The following ADGRE2 variants were observed in gnomAD, a reference collection of about 807,000 sequenced individuals.
ADGRE2 encodes CD97 antigen.
Under a neutral mutation model 100.8 loss-of-function variants are expected in ADGRE2, and 83 were observed. That is an observed-to-expected ratio of 0.82 (90% confidence interval 0.69 to 0.99). ADGRE2 has a LOEUF of 0.99. Among genes scored for constraint, ADGRE2 ranks in the 50% least tolerant of loss-of-function variants. The pLI is 0.00. For missense variants in ADGRE2, 814 were observed against 1,035.7 expected (o/e 0.79, Z 2.94); for synonymous variants, 355 against 413.0 (o/e 0.86, Z 1.70).
intron 11 of ADGRE2, among the ~76,000 whole-genome samples, chr19:14,762,185 C>T (rs1160053510): frequency 6.6e-6 from 1 of 151,486 alleles, no homozygotes; most frequent in African/African-American, 2.4e-5. Context: ...AAATATTTTA[C>T]AGAGTTTGAC....
At chr19:14,768,456 A>C (rs533343542) in intron 5 of ADGRE2, among the ~76,000 whole-genome samples, 2 of 152,358 alleles carry the variant, frequency 1.3e-5, no homozygotes, top group South Asian at 4.1e-4. Flanking sequence ...AGAGGGGCAC[A>C]GATGCTGATG....
intron 15 of ADGRE2, among the ~76,000 whole-genome samples, chr19:14,751,912 C>CACATAT (rs1318216569): frequency 1.1e-5 from 1 of 95,048 alleles, no homozygotes; most frequent in Admixed American, 1.1e-4. Flanking sequence ...CACACACACA[C>CACATAT]ATATATATAT....
At chr19:14,754,562 T>A (rs940794450) in intron 14 of ADGRE2, among the ~76,000 whole-genome samples, 1 of 152,154 alleles carries the variant, frequency 6.6e-6, no homozygotes, top group African/African-American at 2.4e-5. Flanking sequence ...TGAGGAAATT[T>A]TTTTCCTTGT....
chr19:14,731,271 G>C, downstream of ADGRE2: 1 of 1,333,992 alleles, frequency 7.5e-7, no homozygotes, highest in Non-Finnish European at 1.0e-6. Flanking sequence ...ATCACTACTG[G>C]GGCTTGAAGA....
chr19:14,755,798 C>T lies in ADGRE2; in HGVS notation c.1272G>A (p.Glu424=). 2 of 1,614,226 alleles carry T rather than the reference C, an allele frequency of 1.2e-6. No homozygotes were observed. The highest frequency in any genetic ancestry group is 1.1e-5 in the South Asian group (1 of 91,090). ...LAEAPLVLEP[E]KQMLLHETHQ... is the part of the protein sequence containing the mutation. The stretch of plus-strand genomic sequence containing the variant: ...GTGTCTCATGCAGAAGCATCTGCTT[C>T]TCAGGTTCCAGGACCAGAGGGGCCT... Residue 424 remains glutamate (E), a synonymous_variant, in exon 13 of 21, where the codon GAG becomes GAA. Coordinates refer to ENST00000315576, the MANE Select transcript of ADGRE2 (RefSeq NM_013447.4).
the ADGRE2 span, among the ~76,000 whole-genome samples, chr19:14,726,407 T>C: frequency 1.3e-5 from 2 of 152,356 alleles, no homozygotes; most frequent in African/African-American, 4.8e-5. Flanking sequence ...CACGTTAGTC[T>C]CTTCAGCAAG....
chr19:14,769,635 T>A (rs2044120836), intron 5 of ADGRE2, among the ~76,000 whole-genome samples: 1 of 152,192 alleles, frequency 6.6e-6, no homozygotes, highest in South Asian at 2.1e-4. Context: ...TCTCTGCCTA[T>A]CCACCAACTA....
intron 2 of ADGRE2, among the ~76,000 whole-genome samples, chr19:14,774,808 G>A (rs951856051): frequency 6.7e-6 from 1 of 149,524 alleles, no homozygotes; most frequent in Non-Finnish European, 1.5e-5. Context: ...CAAATAGCTG[G>A]GACTACAGGC....
chr19:14,745,342 G>A (rs2043055748), intron 18 of ADGRE2, among the ~76,000 whole-genome samples: 1 of 152,188 alleles, frequency 6.6e-6, no homozygotes, highest in Admixed American at 6.5e-5. Context: ...CATAGAGTGT[G>A]TCATGATTAA....
At chr19:14,772,563 G>T in intron 4 of ADGRE2, 66 bp from the exon 5 acceptor site, 1 of 1,576,432 alleles carries the variant, frequency 6.3e-7, no homozygotes, top group South Asian at 1.1e-5. Flanking sequence ...AGAGACCCCC[G>T]TCCTGACTCC....
At chr19:14,756,210 C>T (rs746707482) in intron 12 of ADGRE2, 28 bp downstream of exon 12, 3 of 1,505,340 alleles carry the variant, frequency 2.0e-6, no homozygotes, top group South Asian at 1.1e-5. Flanking sequence ...TGAAGCTTCA[C>T]TGACCACCTC....
At position 14,760,904 on chromosome 19, in the gene ADGRE2, A is replaced by G. The variant is rs113060132; in HGVS notation, c.1084+3529T>C. Among the ~76,000 whole-genome samples, 481 of 152,312 alleles carry G rather than the reference A, an allele frequency of 3.2e-3. 3 individuals are homozygous for G. The highest frequency in any genetic ancestry group is 0.011 in the African/African-American group (467 of 41,576). On this transcript the variant is annotated intron_variant, in intron 11 of 20. Transcript: ENST00000315576. ...TCTGGATGATACAACTTCAGCCTTTACAGCCCCTTATCGTATTCCAGACAT... is the reference window on the plus strand; with the variant it reads ...TCTGGATGATACAACTTCAGCCTTTGCAGCCCCTTATCGTATTCCAGACAT...
At chr19:14,763,322 G>A (rs1388192395) in intron 11 of ADGRE2, among the ~76,000 whole-genome samples, 3 of 151,988 alleles carry the variant, frequency 2.0e-5, no homozygotes, top group South Asian at 2.1e-4. Context: ...CAGCCTGGGC[G>A]ACAGAGTGAG....
At chr19:14,739,205 A>G (rs1174172454) in intron 20 of ADGRE2, among the ~76,000 whole-genome samples, 5 of 152,054 alleles carry the variant, frequency 3.3e-5, no homozygotes, top group Non-Finnish European at 5.9e-5. Context: ...CCTGACCTCA[A>G]GTGCTCTGCC....
the ADGRE2 span, among the ~76,000 whole-genome samples, chr19:14,727,230 GT>G: frequency 6.6e-6 from 1 of 151,928 alleles, no homozygotes; most frequent in East Asian, 1.9e-4. Context: ...GGGTTTCACC[GT>G]GCTAGCCAGG....
intron 16 of ADGRE2, among the ~76,000 whole-genome samples, chr19:14,748,341 G>C (rs1043598644): frequency 7.3e-6 from 1 of 136,430 alleles, no homozygotes; most frequent in South Asian, 2.4e-4. Flanking sequence ...ATGGAGTCTC[G>C]CTCTGTGGCC....
intron 20 of ADGRE2, 28 bp downstream of exon 20, chr19:14,743,392 A>G (rs2042986743): frequency 6.9e-6 from 11 of 1,589,722 alleles, no homozygotes; most frequent in Non-Finnish European, 9.5e-6. Context: ...CGGTTAGTGA[A>G]GTGCTCTGGA....
intron 12 of ADGRE2, 65 bp from the exon 13 acceptor site, chr19:14,755,942 C>T: frequency 7.2e-7 from 1 of 1,385,404 alleles, no homozygotes; most frequent in Non-Finnish European, 1.0e-6. Flanking sequence ...ACCAGAGTTC[C>T]TCTGCCCTGC....
At chr19:14,776,363 C>T (rs1293371107) in intron 2 of ADGRE2, 1 of 128,248 alleles carries the variant, frequency 7.8e-6, no homozygotes, top group African/African-American at 2.9e-5. Context: ...TCTTTCTATG[C>T]GCTATATTAA....
Sources: allele counts gnomAD v4.1 joint callset (sites outside exome capture counted in the v4.1 genomes callset), GRCh38; gene constraint gnomAD v4.1.1; transcripts MANE v1.5; gene names NCBI Gene and HGNC (gene_info 2026-07-23, HGNC 2026-07-21).